PDE8B: variants seen among roughly 807,000 people sequenced by gnomAD.
PDE8B encodes the protein phosphodiesterase 8B, also known as high affinity cAMP-specific and IBMX-insensitive 3',5'-cyclic phosphodiesterase 8B.
PDE8B carries 26 observed loss-of-function variants against 101.3 expected under a neutral mutation model. The observed-to-expected ratio is 0.26, with a 90% CI of 0.19 to 0.36. PDE8B has a LOEUF of 0.36. Among genes scored for constraint, PDE8B ranks in the 10% least tolerant of loss-of-function variants. The pLI is 1.00. For missense variants in PDE8B, 810 were observed against 1,163.1 expected, an observed-to-expected ratio of 0.70 and a Z score of 4.42; for synonymous variants, 424 against 429.3, an observed-to-expected ratio of 0.99 and a Z score of 0.15.
chr5:77,363,041 C>CA (rs1474537730), intron 10 of PDE8B, among the ~76,000 whole-genome samples: 1 of 152,232 alleles, frequency 6.6e-6, no homozygotes, highest in Non-Finnish European at 1.5e-5. Flanking sequence ...CAGTGGAGCT[C>CA]ATGGAAGAGC....
chr5:77,197,079 T>A, the PDE8B span, among the ~76,000 whole-genome samples: 1 of 151,740 alleles, frequency 6.6e-6, no homozygotes, highest in African/African-American at 2.4e-5. Context: ...TTGCTAGAGG[T>A]TTATCTATTG....
intron 12 of PDE8B, among the ~76,000 whole-genome samples, chr5:77,406,163 T>C (rs1462799919): frequency 6.6e-6 from 1 of 152,156 alleles, no homozygotes; most frequent in Non-Finnish European, 1.5e-5. Flanking sequence ...ACGCATGCCT[T>C]AATCCCAGCT....
chr5:77,234,500 G>C (rs965396949), intron 1 of PDE8B, among the ~76,000 whole-genome samples: 1 of 152,102 alleles, frequency 6.6e-6, no homozygotes, highest in South Asian at 2.1e-4. Flanking sequence ...GTCAAGACTC[G>C]CATGTTCAAG....
chr5:77,411,610 TAAAAA>T lies in PDE8B; in HGVS notation c.1531-59_1531-55del. 10 of 1,060,868 alleles carry T rather than the reference TAAAAA, an allele frequency of 9.4e-6. No individual in the cohort carries two copies. The South Asian group carries it at 1.0e-4, about 11-fold the overall frequency. The allele number at this position is 1,060,868 out of a possible 1,614,324, so 65.7% of individuals were successfully genotyped here. On this transcript the variant is annotated intron_variant, in intron 14 of 21. Transcript: ENST00000264917. ...GGATTCAAATCTCTTTCACTAATAATAAAAAAAAAAAGAGAATGATAATAGATATA... is the reference window on the plus strand; with the variant it reads ...GGATTCAAATCTCTTTCACTAATAATAAAAAAGAGAATGATAATAGATATA...
intron 1 of PDE8B, among the ~76,000 whole-genome samples, chr5:77,242,984 A>C (rs2149557970): frequency 6.6e-6 from 1 of 152,282 alleles, no homozygotes; most frequent in African/African-American, 2.4e-5. Context: ...TTTTCTTATT[A>C]GATTTAACAT....
chr5:77,193,263 A>AT, the PDE8B span, among the ~76,000 whole-genome samples: 7 of 152,030 alleles, frequency 4.6e-5, no homozygotes, highest in Non-Finnish European at 7.4e-5. Flanking sequence ...TTTCACAAAG[A>AT]TTTTTTCCTA....
chr5:77,160,292 G>C, the PDE8B span, among the ~76,000 whole-genome samples: 1 of 152,146 alleles, frequency 6.6e-6, no homozygotes, highest in African/African-American at 2.4e-5. Flanking sequence ...CTCTCAGCAT[G>C]CATTGGGGAT....
intron 1 of PDE8B, among the ~76,000 whole-genome samples, chr5:77,279,898 T>C (rs1764618630): frequency 6.6e-6 from 1 of 152,202 alleles, no homozygotes; most frequent in African/African-American, 2.4e-5. Flanking sequence ...AGCATCCTTG[T>C]CTTATGCTGC....
intron 1 of PDE8B, among the ~76,000 whole-genome samples, chr5:77,258,289 C>CAAAAAAAA (rs70988662): frequency 1.1e-5 from 1 of 88,570 alleles, no homozygotes. Context: ...GACTCCATCT[C>CAAAAAAAA]AAAAAAAAAA....
At chr5:77,268,420 C>G (rs1397881982) in intron 1 of PDE8B, among the ~76,000 whole-genome samples, 1 of 152,054 alleles carries the variant, frequency 6.6e-6, no homozygotes, top group Non-Finnish European at 1.5e-5. Flanking sequence ...TATAATCACC[C>G]TGTTGTGCTA....
the PDE8B span, among the ~76,000 whole-genome samples, chr5:77,143,425 G>A: frequency 0.61 from 93,415 of 152,050 alleles, 29,587 homozygotes; most frequent in African/African-American, 0.78. Context: ...TACATGTGTA[G>A]ATCTTTGTAA....
At chr5:77,088,841 A>T in the PDE8B span, 1 of 152,212 alleles carries the variant, frequency 6.6e-6, no homozygotes, top group Admixed American at 6.5e-5. Flanking sequence ...CTCTTCATTT[A>T]GGGCCATGGG....
chr5:77,426,684 T>G lies in PDE8B; in HGVS notation c.*130T>G. 1 of 694,746 alleles carries G rather than the reference T, an allele frequency of 1.4e-6. No homozygotes were observed. Among genetic ancestry groups the G allele is most frequent in the Non-Finnish European group, 2.7e-6 (1 of 377,268 alleles). The allele number at this position is 694,746 out of a possible 1,614,324, so 43.0% of individuals were successfully genotyped here. A position where few individuals can be genotyped will look rare whatever the true frequency, so the allele number is the denominator to read the frequency against. On this transcript the variant is annotated 3_prime_UTR_variant, in exon 22 of 22. Coordinates refer to ENST00000264917, the MANE Select transcript of PDE8B (RefSeq NM_003719.5). ...AGGAGCTAATGTTTAATATTTGACC[T>G]TGAATCATTCAAGTCCCCAAATTTC...
chr5:77,239,204 T>G (rs781002421), intron 1 of PDE8B, among the ~76,000 whole-genome samples: 98 of 152,226 alleles, frequency 6.4e-4, no homozygotes, highest in Non-Finnish European at 1.1e-3. Context: ...ATATTTCCGT[T>G]TTAGCAGGGA....
At chr5:77,362,313 TAAAC>T (rs1783250846) in intron 10 of PDE8B, among the ~76,000 whole-genome samples, 1 of 152,312 alleles carries the variant, frequency 6.6e-6, no homozygotes, top group African/African-American at 2.4e-5. Flanking sequence ...AACATGCAAT[TAAAC>T]AAATGCTATG....
At chr5:77,412,834 G>C (rs1794828467) in intron 16 of PDE8B, among the ~76,000 whole-genome samples, 1 of 152,084 alleles carries the variant, frequency 6.6e-6, no homozygotes, top group South Asian at 2.1e-4. Flanking sequence ...GGACTGCCAG[G>C]CTCATTTCTA....
At chr5:77,275,211 T>A (rs1416773149) in intron 1 of PDE8B, among the ~76,000 whole-genome samples, 1 of 151,902 alleles carries the variant, frequency 6.6e-6, no homozygotes, top group Non-Finnish European at 1.5e-5. Context: ...AAAGAAAAAA[T>A]ATATATACTG....
chr5:77,399,579 T>C (rs1398103016), intron 10 of PDE8B, among the ~76,000 whole-genome samples: 2 of 152,198 alleles, frequency 1.3e-5, no homozygotes, highest in South Asian at 2.1e-4. Context: ...GGGTCAGTTA[T>C]AAAACAAGAA....
In PDE8B at chr5:77,287,232, TTTA is replaced by T. The variant is rs962550735; in HGVS notation, c.340-24744_340-24742del. ...CTGTTTTTGTTTGTCTGGAAATTCT[TTTA>T]TTATTATTATTATTATTGAAGTATA... On this transcript the variant is annotated intron_variant, in intron 1 of 21. Transcript: ENST00000264917. Among the ~76,000 whole-genome samples the T allele has an allele frequency of 4.6e-5, 7 of 151,942 alleles. No individual in the cohort carries two copies. In the South Asian group the frequency reaches 8.3e-4, roughly 18 times the overall value.
Sources: allele counts gnomAD v4.1 joint callset (sites outside exome capture counted in the v4.1 genomes callset), GRCh38; gene constraint gnomAD v4.1.1; transcripts MANE v1.5; gene names NCBI Gene and HGNC (gene_info 2026-07-23, HGNC 2026-07-21).